Variants in ADAM10 observed in about 807,000 individuals in gnomAD.
ADAM10 encodes the protein ADAM metallopeptidase domain 10.
ADAM10 carries 17 observed loss-of-function variants against 90.1 expected under a neutral mutation model. The ratio of observed to expected loss-of-function variants is 0.19; its 90% CI spans 0.13 to 0.28. The LOEUF (loss-of-function observed/expected upper bound fraction) is 0.28. Ranked by LOEUF, ADAM10 falls within the 10% of genes least tolerant of loss-of-function variation. The probability of loss-of-function intolerance (pLI) is 1.00; values close to 1 mark genes in which losing one functional copy is unlikely to be tolerated. For missense variants in ADAM10, 610 were observed against 914.3 expected, an observed-to-expected ratio of 0.67 and a Z score of 4.29; for synonymous variants, 310 against 298.6, an observed-to-expected ratio of 1.04 and a Z score of -0.40.
intron 2 of ADAM10, chr15:58,698,304 G>C (rs1280550409): frequency 2.2e-6 from 1 of 448,720 alleles, no homozygotes; most frequent in South Asian, 1.6e-5. Flanking sequence ...ATAGGGCTAG[G>C]CTCACATCTG....
intron 5 of ADAM10, among the ~76,000 whole-genome samples, chr15:58,649,230 G>C (rs1241400855): frequency 1.3e-5 from 2 of 151,808 alleles, no homozygotes; most frequent in African/African-American, 4.8e-5. Context: ...ACTAATACTT[G>C]ACTTACCAAA....
chr15:58,662,089 A>C lies in ADAM10; in HGVS notation c.585+3008T>G, dbSNP rs528789096. Among the ~76,000 whole-genome samples, 30 of 151,960 alleles carry C rather than the reference A, an allele frequency of 2.0e-4. No individual in the cohort carries two copies. In the South Asian group the frequency reaches 4.2e-3, roughly 21 times the overall value. On this transcript the variant is annotated intron_variant, in intron 5 of 15. Transcript: ENST00000260408. ...CTCCTTATTATGAATCACGTTTTTCAGTTTCTTGTCATCTAGTAATGTTCT... is the reference window on the plus strand; with the variant it reads ...CTCCTTATTATGAATCACGTTTTTCCGTTTCTTGTCATCTAGTAATGTTCT...
At chr15:58,622,566 A>G (rs773460089) in intron 10 of ADAM10, among the ~76,000 whole-genome samples, 1 of 152,164 alleles carries the variant, frequency 6.6e-6, no homozygotes, top group Non-Finnish European at 1.5e-5. Context: ...TTTTTTATGT[A>G]CATTAGTTTT....
intron 4 of ADAM10, among the ~76,000 whole-genome samples, chr15:58,668,682 T>C (rs918361924): frequency 1.1e-4 from 17 of 152,176 alleles, no homozygotes; most frequent in African/African-American, 3.9e-4. Context: ...ATTTTTGTTA[T>C]AGCATTTACC....
At position 58,603,677 on chromosome 15, in the gene ADAM10, C is replaced by T. The variant is rs181324218; in HGVS notation, c.2026-3953G>A. Among the ~76,000 whole-genome samples the T allele has an allele frequency of 5.7e-4, 86 of 152,066 alleles. 2 individuals are homozygous for T. Among genetic ancestry groups the T allele is most frequent in the Admixed American group, 8.5e-4 (13 of 15,284 alleles). On this transcript the variant is annotated intron_variant, in intron 14 of 15. Coordinates refer to ENST00000260408, the MANE Select transcript of ADAM10 (RefSeq NM_001110.4). The stretch of plus-strand genomic sequence containing the variant: ...TTCATGTCAAACCCTTCTTCGAATG[C>T]TTCCCACCAAAGATTTCCAAGATAG...
At chr15:58,739,960 G>A (rs1315761782) in intron 1 of ADAM10, among the ~76,000 whole-genome samples, 2 of 152,228 alleles carry the variant, frequency 1.3e-5, no homozygotes, top group African/African-American at 2.4e-5. Flanking sequence ...TAACAATTCT[G>A]TAGTCTTAAT....
intron 2 of ADAM10, among the ~76,000 whole-genome samples, chr15:58,689,002 A>G (rs1309282642): frequency 6.6e-6 from 1 of 151,718 alleles, no homozygotes; most frequent in Non-Finnish European, 1.5e-5. Context: ...AAAATGATAA[A>G]AAACTTCCAA....
At position 58,593,802 on chromosome 15, in the gene ADAM10, A is replaced by T. The variant is rs1894881710; in HGVS notation, c.*3745T>A. On this transcript the variant is annotated 3_prime_UTR_variant, in exon 16 of 16. Transcript: ENST00000260408. Reference sequence around the variant, plus strand: ...CTCTGAAGAACTTACCAATTATAAAATACATGAATTTCTACTGAAAATAGT... The same window carrying T: ...CTCTGAAGAACTTACCAATTATAAATTACATGAATTTCTACTGAAAATAGT... 1 of 152,222 alleles carries T rather than the reference A, an allele frequency of 6.6e-6. No homozygotes were observed. Among genetic ancestry groups the T allele is most frequent in the African/African-American group, 2.4e-5 (1 of 41,458 alleles). 9.4% of individuals were successfully genotyped at this position (152,222 alleles called of 1,614,324 possible).
At chr15:58,704,692 T>C (rs1477222749) in intron 2 of ADAM10, among the ~76,000 whole-genome samples, 1 of 152,136 alleles carries the variant, frequency 6.6e-6, no homozygotes, top group Non-Finnish European at 1.5e-5. Flanking sequence ...AATGATGAGA[T>C]TACAACATTC....
intron 9 of ADAM10, among the ~76,000 whole-genome samples, chr15:58,631,516 G>A (rs1896099492): frequency 6.6e-6 from 1 of 152,194 alleles, no homozygotes. Flanking sequence ...AGCACCAGCA[G>A]CAGCAGCAGC....
rs369419226 is a variant in ADAM10, at chr15:58,598,975, C to T, written c.2152+623G>A. On this transcript the variant is annotated intron_variant, in intron 15 of 15. Coordinates refer to ENST00000260408, the MANE Select transcript of ADAM10 (RefSeq NM_001110.4). ...GATCTGTATGTCCCCACAAGCATCA[C>T]CCTGGGGGAAAATAAGCTTATGTGC... Among the ~76,000 whole-genome samples the T allele has an allele frequency of 3.9e-5, 6 of 152,222 alleles. No individual in the cohort carries two copies. In the East Asian group the frequency reaches 5.8e-4, roughly 15 times the overall value.
At chr15:58,726,391 C>A (rs774081113) in intron 1 of ADAM10, among the ~76,000 whole-genome samples, 3 of 151,150 alleles carry the variant, frequency 2.0e-5, no homozygotes, top group Non-Finnish European at 2.9e-5. Flanking sequence ...ATGGTGAAAC[C>A]CCATCTCTAC....
intron 11 of ADAM10, among the ~76,000 whole-genome samples, chr15:58,618,457 C>G (rs1170484314): frequency 6.6e-6 from 1 of 152,042 alleles, no homozygotes; most frequent in African/African-American, 2.4e-5. Flanking sequence ...TTGATCTGAG[C>G]CAAGATTTTT....
Position 58,717,493 on chromosome 15 carries a change from G to C in ADAM10, c.206+84C>G. 1.9e-6 allele frequency: 3 copies of C among 1,560,808 alleles called. 1 individual carries two copies. The South Asian group carries it at 3.4e-5, about 18-fold the overall frequency. Reference sequence around the variant, plus strand: ...CAAATGAAGACCTTGCATTAGAGAAGGAAAATTAAGGATATAAATCTCCTC... The same window carrying C: ...CAAATGAAGACCTTGCATTAGAGAACGAAAATTAAGGATATAAATCTCCTC... On this transcript the variant is annotated intron_variant, in intron 2 of 15. Transcript: ENST00000260408.
chr15:58,749,483 C>T lies in ADAM10; in HGVS notation c.52G>A (p.Gly18Arg). 1 of 1,551,038 alleles carries T rather than the reference C, an allele frequency of 6.4e-7. No individual in the cohort carries two copies. Among genetic ancestry groups the T allele is most frequent in the Non-Finnish European group, 8.7e-7 (1 of 1,147,292 alleles). ...ILLLSWAAGMGGQYGNPLNKY... is the reference protein window; with the variant it reads ...ILLLSWAAGMRGQYGNPLNKY... ...GGCGCTCGCAGTCGTGCCTCACCTC[C>T]CATCCCCGCCGCCCAGGAGAGGAGC... The change falls in exon 1 of 16, where the codon GGA becomes AGA. Residue 18 changes from glycine (G) to arginine (R), a missense_variant. By Grantham distance (125) the Gly-to-Arg change is moderately radical (BLOSUM62 -2). Transcript: ENST00000260408.
At position 58,671,531 on chromosome 15, in the gene ADAM10, A is replaced by G. The variant is rs117212928; in HGVS notation, c.485-6334T>C. Among the ~76,000 whole-genome samples, 335 of 152,106 alleles carry G rather than the reference A, an allele frequency of 2.2e-3. 4 individuals are homozygous for G. In the East Asian group the frequency reaches 0.056, roughly 26 times the overall value. On this transcript the variant is annotated intron_variant, in intron 4 of 15. Transcript: ENST00000260408. ...ATCTCTAGGACATACACGCACACAT[A>G]CTCCTAAATGCTATTTCTTCTAGTT...
intron 1 of ADAM10, among the ~76,000 whole-genome samples, chr15:58,731,948 G>C (rs1899260790): frequency 6.6e-6 from 1 of 152,204 alleles, no homozygotes; most frequent in Admixed American, 6.5e-5. Flanking sequence ...CTGTAACCTA[G>C]ACCAGATTCA....
At chr15:58,664,010 TACA>T (rs1190336941) in intron 5 of ADAM10, among the ~76,000 whole-genome samples, 12 of 152,106 alleles carry the variant, frequency 7.9e-5, no homozygotes, top group African/African-American at 2.7e-4. Context: ...ACTGAATAAC[TACA>T]ACAACTTCTC....
intron 1 of ADAM10, among the ~76,000 whole-genome samples, chr15:58,723,283 C>G (rs1898918047): frequency 6.6e-6 from 1 of 152,048 alleles, no homozygotes; most frequent in Non-Finnish European, 1.5e-5. Context: ...ATGATCACAG[C>G]CCCGTGACTG....
Sources: gnomAD v4.1 joint callset for allele counts (sites outside exome capture counted in the v4.1 genomes callset) on GRCh38, gnomAD v4.1.1 for gene constraint, MANE v1.5 for transcripts, NCBI Gene and HGNC (gene_info 2026-07-23, HGNC 2026-07-21) for gene names.